Variants in INTS15 observed in about 807,000 individuals in gnomAD.
INTS15 encodes integrator complex subunit 15.
the INTS15 span, among the ~76,000 whole-genome samples, chr7:6,591,445 T>A: frequency 1.6e-4 from 25 of 151,836 alleles, 1 homozygote; most frequent in Non-Finnish European, 1.3e-4. Flanking sequence ...GTTGTATTTT[T>A]AGTAGAGATG....
the INTS15 span, among the ~76,000 whole-genome samples, chr7:6,598,735 T>TTGTGTGTGTGTGTGTGTGTG: frequency 1.5e-3 from 127 of 83,614 alleles, 1 homozygote; most frequent in Middle Eastern, 0.015. Flanking sequence ...GCTGTATGCT[T>TTGTGTGTGTGTGTGTGTGTG]TGTGTGTGTG....
chr7:6,591,612 A>G, the INTS15 span: 1 of 1,593,332 alleles, frequency 6.3e-7, no homozygotes, highest in Non-Finnish European at 8.6e-7. Context: ...TTACAGCCAC[A>G]TTTCTTAACG....
chr7:6,598,838 G>A, the INTS15 span, among the ~76,000 whole-genome samples: 3 of 136,486 alleles, frequency 2.2e-5, no homozygotes, highest in African/African-American at 8.3e-5. Context: ...TCAGGCTGTT[G>A]TACAGTGGGA....
At chr7:6,601,820 C>T in the INTS15 span, among the ~76,000 whole-genome samples, 2,523 of 151,622 alleles carry the variant, frequency 0.017, 59 homozygotes, top group African/African-American at 0.058. Context: ...CCACTCCTGA[C>T]TGATTTTTGT....
the INTS15 span, chr7:6,594,563 C>T: frequency 1.2e-6 from 2 of 1,614,148 alleles, no homozygotes; most frequent in Non-Finnish European, 1.7e-6. Context: ...GCTGCCAGTT[C>T]ATCACCTCCG....
At chr7:6,592,566 CAAA>C in the INTS15 span, among the ~76,000 whole-genome samples, 1 of 140,524 alleles carries the variant, frequency 7.1e-6, no homozygotes, top group Non-Finnish European at 1.5e-5. Flanking sequence ...GACTCAGTCT[CAAA>C]AAAAAAACTT....
chr7:6,591,533 G>T, the INTS15 span: 6 of 891,168 alleles, frequency 6.7e-6, no homozygotes, highest in East Asian at 1.5e-4. Context: ...CAAAGTGCTG[G>T]GATTACAGGC....
the INTS15 span, chr7:6,607,845 T>C: frequency 6.5e-7 from 1 of 1,527,934 alleles, no homozygotes; most frequent in South Asian, 1.2e-5. The surrounding 1 kb of genome is among the most constrained non-coding windows in gnomAD (Gnocchi z 6.0). Flanking sequence ...GGGTGGTCCG[T>C]GCCTGTGTCG....
the INTS15 span, among the ~76,000 whole-genome samples, chr7:6,599,185 AGTTC>A: frequency 6.6e-6 from 1 of 152,120 alleles, no homozygotes; most frequent in African/African-American, 2.4e-5. Flanking sequence ...GGATTAAACG[AGTTC>A]GTCTGTGTAA....
At chr7:6,597,397 C>T in the INTS15 span, among the ~76,000 whole-genome samples, 1 of 151,836 alleles carries the variant, frequency 6.6e-6, no homozygotes, top group South Asian at 2.1e-4. Flanking sequence ...CAGGTTTAAG[C>T]GAGTCTCCTG....
the INTS15 span, chr7:6,608,038 C>A: frequency 1.9e-6 from 3 of 1,599,540 alleles, no homozygotes; most frequent in Non-Finnish European, 2.5e-6. Context: ...ACCCCCACAT[C>A]CACACGCCCC....
chr7:6,600,510 C>G, the INTS15 span, among the ~76,000 whole-genome samples: 5 of 152,030 alleles, frequency 3.3e-5, no homozygotes, highest in African/African-American at 1.2e-4. Flanking sequence ...AGCCGTGCCC[C>G]CTGCATTCCA....
At chr7:6,600,030 C>T in the INTS15 span, 10 of 1,614,050 alleles carry the variant, frequency 6.2e-6, no homozygotes, top group African/African-American at 1.2e-4. Flanking sequence ...AAGAAGCCCC[C>T]CTTATCCAAT....
the INTS15 span, among the ~76,000 whole-genome samples, chr7:6,597,875 G>A: frequency 9.8e-5 from 15 of 152,290 alleles, no homozygotes; most frequent in Admixed American, 3.3e-4. Context: ...GCATTCTTGG[G>A]GAGCCCGTGT....
At chr7:6,607,479 T>A in the INTS15 span, 12 of 1,261,530 alleles carry the variant, frequency 9.5e-6, no homozygotes, top group Non-Finnish European at 1.3e-5. The surrounding 1 kb of genome is among the most constrained non-coding windows in gnomAD (Gnocchi z 6.0). Context: ...CTGTAACGGC[T>A]GGGTCCAGGC....
At chr7:6,607,037 G>T in the INTS15 span, among the ~76,000 whole-genome samples, 14 of 152,028 alleles carry the variant, frequency 9.2e-5, no homozygotes, top group Non-Finnish European at 1.3e-4. The surrounding 1 kb of genome is among the most constrained non-coding windows in gnomAD (Gnocchi z 6.0). Flanking sequence ...TGGGGAGTTG[G>T]TCGTTTCCGG....
chr7:6,591,097 A>G, the INTS15 span, among the ~76,000 whole-genome samples: 1 of 151,842 alleles, frequency 6.6e-6, no homozygotes, highest in East Asian at 1.9e-4. Flanking sequence ...TTGGCCTCCA[A>G]AGTGTTGGAA....
At chr7:6,607,810 C>T in the INTS15 span, 5 of 1,492,166 alleles carry the variant, frequency 3.4e-6, no homozygotes, top group Admixed American at 2.2e-5. This position sits in a 1 kb window ranked among gnomAD's most constrained non-coding sequence, Gnocchi z 6.0. Context: ...GCCACTGCTT[C>T]TCCGTGTCCA....
chr7:6,594,504 G>C, the INTS15 span: 1 of 1,614,064 alleles, frequency 6.2e-7, no homozygotes, highest in Non-Finnish European at 8.5e-7. Flanking sequence ...TTTGGTGCCG[G>C]GATCCATTCA....
Sources: gnomAD v4.1 joint callset for allele counts (sites outside exome capture counted in the v4.1 genomes callset) on GRCh38, gnomAD v4.1.1 for gene constraint, Gnocchi (gnomAD v3.1) non-coding constraint, MANE v1.5 for transcripts, NCBI Gene and HGNC (gene_info 2026-07-23, HGNC 2026-07-21) for gene names.